The following RORA variants were observed in gnomAD, a reference collection of about 807,000 sequenced individuals.
RORA encodes RAR related orphan receptor A.
In RORA, 7 loss-of-function variants were observed where a neutral mutation model predicts 69.5. The observed-to-expected ratio is 0.10, with a 90% CI of 0.06 to 0.19. The LOEUF (loss-of-function observed/expected upper bound fraction) is 0.19. RORA is among the 10% of genes least tolerant of loss of function. RORA has a pLI of 1.00. For missense variants in RORA, 457 were observed against 663.0 expected, an observed-to-expected ratio of 0.69 and a Z score of 3.41; for synonymous variants, 261 against 240.8, an observed-to-expected ratio of 1.08 and a Z score of -0.78.
At chr15:61,192,529 T>TGG (rs1299077441) in intron 1 of RORA, among the ~76,000 whole-genome samples, 1 of 152,242 alleles carries the variant, frequency 6.6e-6, no homozygotes, top group East Asian at 1.9e-4. Context: ...AGCTCAGCAC[T>TGG]GGGCTCTGCC....
intron 1 of RORA, among the ~76,000 whole-genome samples, chr15:61,202,848 G>A (rs2079907815): frequency 6.6e-6 from 1 of 152,098 alleles, no homozygotes; most frequent in East Asian, 1.9e-4. Context: ...ATATGCAAAC[G>A]TATTTAGGCT....
intron 8 of RORA, among the ~76,000 whole-genome samples, chr15:60,502,130 G>A (rs1168975293): frequency 1.3e-5 from 2 of 152,104 alleles, no homozygotes; most frequent in Non-Finnish European, 2.9e-5. Context: ...ACAGGCGTGT[G>A]CCACCATGCC....
rs2065028209 is a variant in RORA, at chr15:60,490,739, A to G, written c.*6716T>C. On this transcript the variant is annotated 3_prime_UTR_variant, in exon 11 of 11. Coordinates refer to ENST00000335670, the MANE Select transcript of RORA (RefSeq NM_134261.3). This position sits in a 1 kb window ranked among gnomAD's most constrained non-coding sequence, Gnocchi z 4.1. ...CTTGACATTCAGTTATGGCTAGATT[A>G]TTTAACCTATTTTTTTTGTACTTTG... The G allele has an allele frequency of 6.6e-6, 1 of 152,198 alleles. No homozygotes were observed. The highest frequency in any genetic ancestry group is 6.5e-5 in the Admixed American group (1 of 15,274). 9.4% of individuals were successfully genotyped at this position (152,198 alleles called of 1,614,324 possible).
At chr15:60,774,827 G>A (rs2072137965) in intron 1 of RORA, among the ~76,000 whole-genome samples, 1 of 152,134 alleles carries the variant, frequency 6.6e-6, no homozygotes, top group Non-Finnish European at 1.5e-5. Flanking sequence ...CTCTTTTGTT[G>A]AACCCACAGC....
chr15:61,219,129 G>A (rs541091539), intron 1 of RORA, among the ~76,000 whole-genome samples: 2 of 152,286 alleles, frequency 1.3e-5, no homozygotes, highest in South Asian at 4.1e-4. Context: ...AAGCTCACTG[G>A]TGGATTTTTA....
At chr15:60,864,882 G>A (rs959934345) in intron 1 of RORA, among the ~76,000 whole-genome samples, 2 of 152,218 alleles carry the variant, frequency 1.3e-5, no homozygotes, top group Non-Finnish European at 2.9e-5. Flanking sequence ...CAAAGTCACA[G>A]AGCACCAAGT....
At chr15:60,762,946 T>C (rs2071917140) in intron 1 of RORA, among the ~76,000 whole-genome samples, 2 of 152,014 alleles carry the variant, frequency 1.3e-5, no homozygotes, top group African/African-American at 4.8e-5. Context: ...TTTTGAGTGC[T>C]GAAAGTCTTT....
intron 1 of RORA, among the ~76,000 whole-genome samples, chr15:60,687,413 C>A (rs937199570): frequency 1.3e-5 from 2 of 152,144 alleles, no homozygotes; most frequent in South Asian, 2.1e-4. Context: ...CCTCTCTACT[C>A]CCCTCTGATT....
intron 1 of RORA, among the ~76,000 whole-genome samples, chr15:61,212,713 T>G (rs1317271075): frequency 1.3e-5 from 2 of 152,186 alleles, no homozygotes; most frequent in Non-Finnish European, 2.9e-5. Context: ...TTTTACACCT[T>G]ATGTAGATGT....
chr15:61,020,849 C>T (rs535011005), intron 1 of RORA, among the ~76,000 whole-genome samples: 29 of 152,336 alleles, frequency 1.9e-4, no homozygotes, highest in Middle Eastern at 3.4e-3. Flanking sequence ...TTTTCTCCTT[C>T]CCAAATGGTA....
intron 1 of RORA, among the ~76,000 whole-genome samples, chr15:60,712,873 A>G (rs2071163095): frequency 6.6e-6 from 1 of 151,992 alleles, no homozygotes; most frequent in Non-Finnish European, 1.5e-5. Context: ...TGGGAGAAAA[A>G]CCCTGAAGAT....
intron 1 of RORA, chr15:60,764,798 C>T (rs534030714): frequency 6.6e-6 from 1 of 152,318 alleles, no homozygotes; most frequent in East Asian, 1.9e-4. Context: ...AATGAAATAC[C>T]TTCCTTGCCA....
chr15:60,822,649 C>A (rs190384381), intron 1 of RORA, among the ~76,000 whole-genome samples: 1 of 152,190 alleles, frequency 6.6e-6, no homozygotes, highest in African/African-American at 2.4e-5. Flanking sequence ...TGGTGAAGCA[C>A]CCCAGGATGT....
chr15:60,860,800 G>A (rs1204162322), intron 1 of RORA, among the ~76,000 whole-genome samples: 1 of 152,188 alleles, frequency 6.6e-6, no homozygotes, highest in African/African-American at 2.4e-5. Context: ...TGTGCTAGGG[G>A]AAGTGTGCTA....
Position 61,048,886 on chromosome 15 carries a change from A to G in RORA, c.166+180167T>C, listed in dbSNP as rs566766542. 2.6e-5 allele frequency among the ~76,000 whole-genome samples: 4 copies of G among 152,258 alleles called. No individual in the cohort carries two copies. The South Asian group carries it at 6.2e-4, about 24-fold the overall frequency. ...ACACAGTCAAGGATCATCCTGATGC[A>G]AAAAACAAAATCACCTTTGAACCTC... On this transcript the variant is annotated intron_variant, in intron 1 of 10. Coordinates refer to ENST00000335670, the MANE Select transcript of RORA (RefSeq NM_134261.3).
intron 1 of RORA, among the ~76,000 whole-genome samples, chr15:60,947,380 C>T (rs1331405047): frequency 1.3e-5 from 2 of 152,120 alleles, no homozygotes; most frequent in Non-Finnish European, 2.9e-5. Context: ...TGCTGTTGAT[C>T]TTTGACCTTA....
At chr15:60,911,703 A>ATTTTTT (rs60693324) in intron 1 of RORA, among the ~76,000 whole-genome samples, 1 of 142,926 alleles carries the variant, frequency 7.0e-6, no homozygotes. Flanking sequence ...CGGATTTTTG[A>ATTTTTT]TTTTTTTTTT....
At chr15:60,898,735 A>C (rs1285267889) in intron 1 of RORA, among the ~76,000 whole-genome samples, 1 of 151,930 alleles carries the variant, frequency 6.6e-6, no homozygotes, top group African/African-American at 2.4e-5. Context: ...GAAAGGCAGA[A>C]CTCTTCAGAA....
At chr15:60,803,181 T>C (rs2072611666) in intron 1 of RORA, among the ~76,000 whole-genome samples, 2 of 152,232 alleles carry the variant, frequency 1.3e-5, no homozygotes, top group Non-Finnish European at 2.9e-5. Flanking sequence ...ATTTGGATAA[T>C]GTCACTTGTT....
Sources: gnomAD v4.1 joint callset for allele counts (sites outside exome capture counted in the v4.1 genomes callset) on GRCh38, gnomAD v4.1.1 for gene constraint, Gnocchi (gnomAD v3.1) non-coding constraint, MANE v1.5 for transcripts, NCBI Gene and HGNC (gene_info 2026-07-23, HGNC 2026-07-21) for gene names.